Variants in TDRD3 observed in about 807,000 individuals in gnomAD.
TDRD3 encodes the protein tudor domain-containing protein 3.
Under a neutral mutation model 86.7 loss-of-function variants are expected in TDRD3, and 45 were observed. The ratio of observed to expected loss-of-function variants is 0.52; its 90% confidence interval spans 0.41 to 0.67. TDRD3 has a LOEUF of 0.67. Ranked by LOEUF, TDRD3 falls within the 30% of genes least tolerant of loss-of-function variation. The pLI, the probability that TDRD3 is intolerant of heterozygous loss-of-function variation, is 0.00. For synonymous variants in TDRD3, 298 were observed against 301.7 expected (o/e 0.99, Z 0.13); for missense variants, 814 against 889.0 (o/e 0.92, Z 1.07).
intron 12 of TDRD3, among the ~76,000 whole-genome samples, chr13:60,548,511 C>T (rs1178119597): frequency 6.6e-6 from 1 of 152,120 alleles, no homozygotes; most frequent in Non-Finnish European, 1.5e-5. Flanking sequence ...TACCATGGAG[C>T]ATAATAACAA....
chr13:60,493,124 T>C (rs1248283202), intron 7 of TDRD3, among the ~76,000 whole-genome samples: 3 of 151,570 alleles, frequency 2.0e-5, no homozygotes, highest in Non-Finnish European at 1.5e-5. Context: ...TTCACCGTGT[T>C]AGCCAAGATG....
At chr13:60,406,728 T>C (rs1954243428) in intron 1 of TDRD3, among the ~76,000 whole-genome samples, 1 of 152,208 alleles carries the variant, frequency 6.6e-6, no homozygotes, top group Non-Finnish European at 1.5e-5. Flanking sequence ...CTATTTGATA[T>C]GGTCACTGTT....
At chr13:60,490,408 C>T (rs572928576) in intron 7 of TDRD3, among the ~76,000 whole-genome samples, 67 of 152,068 alleles carry the variant, frequency 4.4e-4, no homozygotes, top group African/African-American at 1.5e-3. Flanking sequence ...AGAGAAACAG[C>T]GGAGTGGCCA....
At chr13:60,563,920 T>G (rs1005108016) in intron 12 of TDRD3, among the ~76,000 whole-genome samples, 7 of 152,242 alleles carry the variant, frequency 4.6e-5, no homozygotes, top group Non-Finnish European at 1.5e-5. Context: ...AAAAACGCAG[T>G]TGTAACTTGT....
chr13:60,520,069 CT>C, intron 10 of TDRD3, among the ~76,000 whole-genome samples: 1 of 152,112 alleles, frequency 6.6e-6, no homozygotes, highest in Non-Finnish European at 1.5e-5. Context: ...TTAAAAGGGG[CT>C]TTGAAACACC....
chr13:60,439,566 CTCTT>C (rs1955205095), intron 1 of TDRD3, 118 bp from the exon 2 acceptor site: 6 of 668,432 alleles, frequency 9.0e-6, no homozygotes, highest in Non-Finnish European at 1.5e-5. Context: ...ATATCCAAGA[CTCTT>C]TCCCTAGTAT....
intron 8 of TDRD3, chr13:60,509,458 G>C (rs568163416): frequency 4.8e-6 from 1 of 207,662 alleles, no homozygotes; most frequent in East Asian, 1.1e-4. Context: ...TCATTAAGTA[G>C]TTTTCTCCTC....
rs1422005480 is a variant in TDRD3 at position 60,509,797 on chromosome 13, T to A, written c.893T>A (p.Met298Lys). ...AAAGCTCTGAAGCACATAACGGAAATGGGCTTCAGTAAGGAAGCATCGAGG... is the reference window on the plus strand; with the variant it reads ...AAAGCTCTGAAGCACATAACGGAAAAGGGCTTCAGTAAGGAAGCATCGAGG... The part of the protein sequence containing the change: ...DEKALKHITE[M>K]GFSKEASRQA... The change falls in exon 9 of 14, where the codon ATG (methionine) becomes AAG (lysine). Residue 298 changes from methionine (M) to lysine (K), a missense_variant. Physicochemically the swap from Met to Lys is moderately conservative, Grantham distance 95. Transcript: ENST00000377881. 6.2e-7 allele frequency: 1 copy of A among 1,613,714 alleles called. No homozygotes were observed. The highest frequency in any genetic ancestry group is 1.7e-5 in the Admixed American group (1 of 60,002).
At chr13:60,561,086 C>T (rs1958321723) in intron 12 of TDRD3, among the ~76,000 whole-genome samples, 1 of 152,110 alleles carries the variant, frequency 6.6e-6, no homozygotes, top group Admixed American at 6.6e-5. Context: ...TTGTTTTACT[C>T]AGAGCTTCAG....
At chr13:60,442,170 C>G (rs1357504635) in intron 2 of TDRD3, among the ~76,000 whole-genome samples, 1 of 151,982 alleles carries the variant, frequency 6.6e-6, no homozygotes, top group South Asian at 2.1e-4. Flanking sequence ...CATTGAAATC[C>G]AGCATGTAAG....
intron 8 of TDRD3, among the ~76,000 whole-genome samples, chr13:60,496,981 G>A (rs778429693): frequency 6.6e-6 from 1 of 152,134 alleles, no homozygotes; most frequent in Non-Finnish European, 1.5e-5. Context: ...GGTCACGGAA[G>A]AAAACCGTGG....
chr13:60,449,106 C>T (rs1011956889), intron 3 of TDRD3, among the ~76,000 whole-genome samples: 2 of 152,108 alleles, frequency 1.3e-5, no homozygotes, highest in Admixed American at 6.6e-5. Flanking sequence ...AAGATGGCTT[C>T]ACTGCCTTAA....
At chr13:60,458,713 A>G (rs1955734786) in intron 3 of TDRD3, among the ~76,000 whole-genome samples, 1 of 152,174 alleles carries the variant, frequency 6.6e-6, no homozygotes, top group African/African-American at 2.4e-5. Flanking sequence ...TATATAGAAC[A>G]CTTGAAATAT....
intron 8 of TDRD3, among the ~76,000 whole-genome samples, chr13:60,501,745 A>C (rs1008958544): frequency 2.0e-5 from 3 of 152,156 alleles, no homozygotes; most frequent in Non-Finnish European, 4.4e-5. Flanking sequence ...ACAACCAACT[A>C]TTCTCTTTAG....
At position 60,494,551 on chromosome 13, in the gene TDRD3, A is replaced by T. The variant is rs1956672281; in HGVS notation, c.834A>T (p.Lys278Asn). ...AAAAGTCAACCAAATCAGAGGGAAA[A>T]CATGAAGGTGTCTATAGAGAACTGG... The part of the protein sequence containing the change: ...QKEKSTKSEG[K>N]HEGVYRELVD... Residue 278 changes from lysine (K) to asparagine (N), a missense_variant, in exon 8 of 14, where the codon AAA becomes AAT. Transcript: ENST00000377881. 1 of 1,613,630 alleles carries T rather than the reference A, an allele frequency of 6.2e-7. No homozygotes were observed. Among genetic ancestry groups the T allele is most frequent in the Admixed American group, 1.7e-5 (1 of 60,000 alleles).
At chr13:60,565,120 G>A (rs1378615246) in intron 12 of TDRD3, among the ~76,000 whole-genome samples, 3 of 135,104 alleles carry the variant, frequency 2.2e-5, no homozygotes, top group Non-Finnish European at 4.5e-5. Flanking sequence ...CCGTGGCACT[G>A]TCTGGGCTCA....
intron 12 of TDRD3, among the ~76,000 whole-genome samples, chr13:60,539,207 A>G (rs1957760663): frequency 6.6e-6 from 1 of 152,120 alleles, no homozygotes; most frequent in Non-Finnish European, 1.5e-5. Flanking sequence ...TTCATTATGT[A>G]TCTAGTACAT....
chr13:60,552,607 T>C (rs1250333510), intron 12 of TDRD3, among the ~76,000 whole-genome samples: 1 of 152,234 alleles, frequency 6.6e-6, no homozygotes. Flanking sequence ...CAGTGGGGAC[T>C]CTGTATGTGG....
At chr13:60,435,739 A>C (rs1012585284) in intron 1 of TDRD3, among the ~76,000 whole-genome samples, 1 of 152,174 alleles carries the variant, frequency 6.6e-6, no homozygotes. Flanking sequence ...ACGTGTGTGC[A>C]TGTGTCTTTT....
Sources: allele counts gnomAD v4.1 joint callset (sites outside exome capture counted in the v4.1 genomes callset), GRCh38; gene constraint gnomAD v4.1.1; transcripts MANE v1.5; gene names NCBI Gene and HGNC (gene_info 2026-07-23, HGNC 2026-07-21).